MARK2: variants seen among roughly 807,000 people sequenced by gnomAD.
MARK2 encodes serine/threonine-protein kinase MARK2.
A neutral mutation model predicts 89.8 loss-of-function variants in MARK2; 16 were observed. The observed-to-expected ratio is 0.18, with a 90% confidence interval of 0.12 to 0.27. The LOEUF (loss-of-function observed/expected upper bound fraction) is 0.27. Among genes scored for constraint, MARK2 ranks in the 10% least tolerant of loss-of-function variants. The pLI is 1.00. For synonymous variants in MARK2, 382 were observed against 399.5 expected, an observed-to-expected ratio of 0.96 and a Z score of 0.52; for missense variants, 621 against 1,049.9, an observed-to-expected ratio of 0.59 and a Z score of 5.65.
intron 1 of MARK2, among the ~76,000 whole-genome samples, chr11:63,862,466 G>A (rs951158319): frequency 6.7e-5 from 10 of 149,020 alleles, no homozygotes; most frequent in East Asian, 4.1e-4. Flanking sequence ...GTCTTGCAGC[G>A]GAATTTAGAG....
chr11:63,856,128 G>A (rs938928022), intron 1 of MARK2, among the ~76,000 whole-genome samples: 4 of 152,082 alleles, frequency 2.6e-5, no homozygotes, highest in African/African-American at 9.7e-5. Context: ...GACTTCATAA[G>A]GAGCTCTTGT....
chr11:63,895,252 A>G lies in MARK2; in HGVS notation c.148A>G (p.Ile50Val), dbSNP rs141830377. 3.5e-5 allele frequency: 56 copies of G among 1,614,138 alleles called. No individual in the cohort carries two copies. In the African/African-American group the frequency reaches 5.5e-4, roughly 16 times the overall value. ...CACCTCTGCTGATGAGCAGCCCCAC[A>G]TTGGAAACTACCGGCTCCTCAAGAC... is the stretch of plus-strand genomic sequence containing the variant. ...SATSADEQPH[I>V]GNYRLLKTIG... Residue 50 changes from isoleucine (I) to valine (V), a missense_variant, in exon 2 of 19, where the codon ATT becomes GTT. By Grantham distance (29) the Ile-to-Val change is conservative (BLOSUM62 3). Around this residue, in one of 5 missense-constraint regions of MARK2, gnomAD observed 60 missense variants for 73.2 expected, o/e 0.82. Transcript: ENST00000402010.
At chr11:63,878,352 TTCAAG>T (rs1938891722) in intron 1 of MARK2, among the ~76,000 whole-genome samples, 1 of 149,092 alleles carries the variant, frequency 6.7e-6, no homozygotes, top group Non-Finnish European at 1.5e-5. Context: ...AGCTCTCTTG[TTCAAG>T]TCTTTTTTTT....
chr11:63,870,172 C>A (rs539296004), intron 1 of MARK2, among the ~76,000 whole-genome samples: 1 of 152,280 alleles, frequency 6.6e-6, no homozygotes, highest in East Asian at 1.9e-4. Context: ...CTGGAGAGCA[C>A]CTCTGAAATC....
At chr11:63,864,775 C>A (rs2135248984) in intron 1 of MARK2, among the ~76,000 whole-genome samples, 1 of 151,508 alleles carries the variant, frequency 6.6e-6, no homozygotes, top group Admixed American at 6.6e-5. Context: ...CTTTGGGAGG[C>A]CAAGGTGAGA....
At chr11:63,887,389 C>T (rs1316692914) in intron 1 of MARK2, among the ~76,000 whole-genome samples, 3 of 152,210 alleles carry the variant, frequency 2.0e-5, no homozygotes, top group Non-Finnish European at 2.9e-5. Flanking sequence ...AGGGAGACTA[C>T]CTACCCTATA....
chr11:63,857,210 AG>A (rs2016909952), intron 1 of MARK2, among the ~76,000 whole-genome samples: 1 of 152,034 alleles, frequency 6.6e-6, no homozygotes, highest in Non-Finnish European at 1.5e-5. Flanking sequence ...TTTATCACCC[AG>A]GGTGGAGTGT....
At chr11:63,895,754 C>T in intron 3 of MARK2, 121 bp downstream of exon 3, 1 of 895,066 alleles carries the variant, frequency 1.1e-6, no homozygotes, top group Non-Finnish European at 1.8e-6. Flanking sequence ...ACTGCAACCT[C>T]CGCCTTTTGG....
At chr11:63,847,688 G>C (rs2016352084) in intron 1 of MARK2, among the ~76,000 whole-genome samples, 1 of 152,202 alleles carries the variant, frequency 6.6e-6, no homozygotes, top group African/African-American at 2.4e-5. Flanking sequence ...TCACTCCAGG[G>C]AGGAGGCTTT....
chr11:63,910,861 C>A lies in MARK2; in HGVS notation c.*1624C>A, dbSNP rs2134241249. 1 of 152,350 alleles carries A rather than the reference C, an allele frequency of 6.6e-6. No individual in the cohort carries two copies. The highest frequency in any genetic ancestry group is 2.1e-4 in the South Asian group (1 of 4,832). The allele number at this position is 152,350 out of a possible 1,614,324, so 9.4% of individuals were successfully genotyped here. ...TGCCCTATGGAACAGCCCGGGTGCT[C>A]TGAGGGGGCTGGGAGGGCATGGCTT... On this transcript the variant is annotated 3_prime_UTR_variant, in exon 19 of 19. Coordinates refer to ENST00000402010, the MANE Select transcript of MARK2 (RefSeq NM_001039469.3).
At chr11:63,841,200 C>G (rs2015998381) in intron 1 of MARK2, among the ~76,000 whole-genome samples, 1 of 152,160 alleles carries the variant, frequency 6.6e-6, no homozygotes, top group African/African-American at 2.4e-5. Context: ...TGTGAACATT[C>G]TTCTTTGAAA....
intron 1 of MARK2, among the ~76,000 whole-genome samples, chr11:63,881,443 C>A (rs527908274): frequency 6.6e-6 from 1 of 152,322 alleles, no homozygotes; most frequent in East Asian, 1.9e-4. Flanking sequence ...GATCTTCCTT[C>A]CTCTACCCTT....
intron 1 of MARK2, among the ~76,000 whole-genome samples, chr11:63,872,946 C>T (rs1158694716): frequency 1.1e-4 from 15 of 134,816 alleles, no homozygotes; most frequent in African/African-American, 3.2e-4. Context: ...CAGCTCAGAG[C>T]GGGACTCAGT....
At position 63,902,996 on chromosome 11, in the gene MARK2, G is replaced by A. The variant is rs975130238; in HGVS notation, c.1417-65G>A. ...CAGGAAGCCTGTTCCATGAACCTGG[G>A]GGGAGAACCTGGCTGTAGACCACTT... On this transcript the variant is annotated intron_variant, in intron 13 of 18. Transcript: ENST00000402010. This position sits in a 1 kb window ranked among gnomAD's most constrained non-coding sequence, Gnocchi z 4.2. 7.2e-6 allele frequency: 10 copies of A among 1,395,422 alleles called. No homozygotes were observed. Among genetic ancestry groups the A allele is most frequent in the Non-Finnish European group, 1.0e-5 (10 of 983,204 alleles). 86.4% of individuals were successfully genotyped at this position (1,395,422 alleles called of 1,614,324 possible).
At chr11:63,849,507 C>A (rs2016456910) in intron 1 of MARK2, among the ~76,000 whole-genome samples, 1 of 152,214 alleles carries the variant, frequency 6.6e-6, no homozygotes, top group Non-Finnish European at 1.5e-5. Context: ...AATCCCAGCA[C>A]TTTGGGAGGC....
chr11:63,851,920 C>A (rs1253897308), intron 1 of MARK2, among the ~76,000 whole-genome samples: 1 of 152,128 alleles, frequency 6.6e-6, no homozygotes, highest in Non-Finnish European at 1.5e-5. Flanking sequence ...TAAGTATAGA[C>A]CCTGTCTTGG....
chr11:63,857,519 GATT>G (rs1429050477), intron 1 of MARK2, among the ~76,000 whole-genome samples: 2 of 152,160 alleles, frequency 1.3e-5, no homozygotes, highest in African/African-American at 4.8e-5. Context: ...TGCATTATAA[GATT>G]AGTTCATCAG....
chr11:63,840,300 G>A (rs1212344568), intron 1 of MARK2, among the ~76,000 whole-genome samples: 1 of 152,132 alleles, frequency 6.6e-6, no homozygotes, highest in Admixed American at 6.5e-5. Flanking sequence ...CCCACAGGTT[G>A]CGTTTGGGGT....
chr11:63,854,133 A>G (rs985312718), intron 1 of MARK2, among the ~76,000 whole-genome samples: 1 of 151,786 alleles, frequency 6.6e-6, no homozygotes, highest in African/African-American at 2.4e-5. Flanking sequence ...TCGGCCTCCC[A>G]AAGTGCTGGG....
Sources: gnomAD v4.1 joint callset for allele counts (sites outside exome capture counted in the v4.1 genomes callset) on GRCh38, gnomAD v4.1.1 for gene constraint, gnomAD v4.1.1 regional missense constraint, Gnocchi (gnomAD v3.1) non-coding constraint, MANE v1.5 for transcripts, NCBI Gene and HGNC (gene_info 2026-07-23, HGNC 2026-07-21) for gene names.